The following FRMPD4 variants were observed in gnomAD, a reference collection of about 807,000 sequenced individuals.
The protein encoded by FRMPD4 is FERM and PDZ domain containing 4.
A neutral mutation model predicts 94.1 loss-of-function variants in FRMPD4; 22 were observed. That is an observed-to-expected ratio of 0.23 (90% confidence interval 0.17 to 0.33). The LOEUF (loss-of-function observed/expected upper bound fraction) is 0.33, where lower values mean the gene tolerates loss of function less well. Among genes scored for constraint, FRMPD4 ranks in the 10% least tolerant of loss-of-function variants. The pLI, the probability that FRMPD4 is intolerant of heterozygous loss-of-function variation, is 1.00. For synonymous variants in FRMPD4, 631 were observed against 548.6 expected, an observed-to-expected ratio of 1.15 and a Z score of -2.10; for missense variants, 1,111 against 1,339.9, an observed-to-expected ratio of 0.83 and a Z score of 2.67.
chrX:12,404,161 T>C (rs770105283), intron 1 of FRMPD4, among the ~76,000 whole-genome samples: 1 of 112,137 alleles, frequency 8.9e-6, no homozygotes, highest in South Asian at 3.7e-4. Flanking sequence ...TGAGTATATA[T>C]CCAAAATATT....
chrX:12,017,122 G>T (rs1382283685), intron 3 of FRMPD4, among the ~76,000 whole-genome samples: 2 of 111,856 alleles, frequency 1.8e-5, no homozygotes, highest in African/African-American at 3.2e-5. Flanking sequence ...TTATCTTGTG[G>T]ATTCTGATCC....
At chrX:12,466,596 G>C (rs917938751) in intron 1 of FRMPD4, among the ~76,000 whole-genome samples, 2 of 111,859 alleles carry the variant, frequency 1.8e-5, no homozygotes, top group African/African-American at 6.5e-5. Flanking sequence ...GGTTTCTTTA[G>C]AACTGAACAA....
intron 3 of FRMPD4, among the ~76,000 whole-genome samples, chrX:12,081,509 T>G (rs771266033): frequency 9.0e-6 from 1 of 111,526 alleles, no homozygotes; most frequent in African/African-American, 3.3e-5. Context: ...CTCTATGTAC[T>G]TAACAGAGAG....
chrX:12,234,521 G>A (rs1480784729), intron 1 of FRMPD4, among the ~76,000 whole-genome samples: 1 of 111,069 alleles, frequency 9.0e-6, no homozygotes. Context: ...TGAGCAGAGA[G>A]GTGCACTAAT....
At chrX:12,475,669 A>G (rs2057587379) in intron 1 of FRMPD4, among the ~76,000 whole-genome samples, 1 of 112,003 alleles carries the variant, frequency 8.9e-6, no homozygotes, top group Admixed American at 9.5e-5. Context: ...TACACCAATA[A>G]CAGACAAACA....
chrX:12,026,280 T>C (rs2054660719), intron 3 of FRMPD4, among the ~76,000 whole-genome samples: 1 of 111,942 alleles, frequency 8.9e-6, no homozygotes, highest in Non-Finnish European at 1.9e-5. Flanking sequence ...TCCTTATCAA[T>C]TTATTTGTTT....
At chrX:12,211,022 G>T (rs2056750094) in intron 1 of FRMPD4, among the ~76,000 whole-genome samples, 1 of 112,304 alleles carries the variant, frequency 8.9e-6, no homozygotes, top group Admixed American at 9.4e-5. Flanking sequence ...AACAGTGTTT[G>T]AATTCAGTGG....
intron 2 of FRMPD4, among the ~76,000 whole-genome samples, chrX:11,873,525 A>C (rs1411769489): frequency 9.0e-6 from 1 of 110,815 alleles, no homozygotes; most frequent in Non-Finnish European, 1.9e-5. Context: ...GCCCTTTGCC[A>C]TAGAACCTCA....
At chrX:11,951,837 C>T (rs2054225794) in intron 3 of FRMPD4, among the ~76,000 whole-genome samples, 1 of 111,306 alleles carries the variant, frequency 9.0e-6, no homozygotes, top group South Asian at 3.8e-4. Context: ...AGTTCAAGAC[C>T]AGCCTGGGCA....
chrX:12,645,026 T>G (rs1230361319), intron 4 of FRMPD4, among the ~76,000 whole-genome samples: 2 of 111,565 alleles, frequency 1.8e-5, no homozygotes, highest in Non-Finnish European at 3.8e-5. Context: ...TGCATGAGTT[T>G]CAAAGAGACC....
chrX:12,308,221 A>G (rs1160650443), intron 1 of FRMPD4, among the ~76,000 whole-genome samples: 2 of 111,268 alleles, frequency 1.8e-5, no homozygotes, highest in Non-Finnish European at 3.8e-5. Flanking sequence ...ACACAGATCC[A>G]CTCTTCACTC....
At chrX:12,553,803 G>A (rs1405130728) in intron 2 of FRMPD4, among the ~76,000 whole-genome samples, 1 of 111,213 alleles carries the variant, frequency 9.0e-6, no homozygotes, top group Non-Finnish European at 1.9e-5. Flanking sequence ...TCTCATAAAT[G>A]TTGTGAGTTT....
intron 1 of FRMPD4, among the ~76,000 whole-genome samples, chrX:12,440,821 G>A (rs2057127323): frequency 9.0e-6 from 1 of 111,257 alleles, no homozygotes; most frequent in Non-Finnish European, 1.9e-5. Context: ...TGTATGGTTG[G>A]TGACAGATTA....
chrX:12,693,000 C>T (rs944121453), intron 8 of FRMPD4, among the ~76,000 whole-genome samples: 1 of 111,839 alleles, frequency 8.9e-6, no homozygotes, highest in African/African-American at 3.3e-5. Flanking sequence ...GCAGGCCTGC[C>T]CACAGCCAGA....
At chrX:12,370,178 T>A (rs5935315) in intron 1 of FRMPD4, among the ~76,000 whole-genome samples, 21,305 of 111,143 alleles carry the variant, frequency 0.19, 1,622 homozygotes, top group Non-Finnish European at 0.24. Flanking sequence ...CATTTAAAGT[T>A]TTTGAACTGG....
At chrX:11,874,860 G>GA (rs931638925) in intron 2 of FRMPD4, among the ~76,000 whole-genome samples, 42 of 110,891 alleles carry the variant, frequency 3.8e-4, no homozygotes, top group East Asian at 3.1e-3. Context: ...AGGGAATATT[G>GA]AAAAAAAACA....
chrX:12,085,973 CTT>C (rs1475835547), intron 3 of FRMPD4, among the ~76,000 whole-genome samples: 1 of 112,178 alleles, frequency 8.9e-6, no homozygotes, highest in South Asian at 3.7e-4. Flanking sequence ...GAAAAACACT[CTT>C]AAACCTATTA....
rs774149975 is a variant in FRMPD4, at chrX:12,428,929, C to A, written c.42-69751C>A. Among the ~76,000 whole-genome samples, 10 of 111,959 alleles carry A rather than the reference C, an allele frequency of 8.9e-5. No homozygotes were observed. The East Asian group carries it at 2.5e-3, about 28-fold the overall frequency. ...ACAGGAAAAAAACTAGTTGCATGCTCCATGTATAAGATTAGGGCTTGTGGA... is the reference window on the plus strand; with the variant it reads ...ACAGGAAAAAAACTAGTTGCATGCTACATGTATAAGATTAGGGCTTGTGGA... On this transcript the variant is annotated intron_variant, in intron 1 of 16. Transcript: ENST00000675598.
At chrX:12,165,103 T>C (rs2056091906) in intron 1 of FRMPD4, among the ~76,000 whole-genome samples, 1 of 111,508 alleles carries the variant, frequency 9.0e-6, no homozygotes, top group Non-Finnish European at 1.9e-5. Context: ...CTTTTGGTGT[T>C]TTAGACATGA....
Sources: gnomAD v4.1 joint callset for allele counts (sites outside exome capture counted in the v4.1 genomes callset) on GRCh38, gnomAD v4.1.1 for gene constraint, MANE v1.5 for transcripts, NCBI Gene and HGNC (gene_info 2026-07-23, HGNC 2026-07-21) for gene names.